Variants in HYDIN observed in about 807,000 individuals in gnomAD.
HYDIN encodes axonemal central pair apparatus protein HYDIN.
A neutral mutation model predicts 403.9 loss-of-function variants in HYDIN; 132 were observed. The ratio of observed to expected loss-of-function variants is 0.33; its 90% confidence interval spans 0.28 to 0.38. HYDIN has a LOEUF of 0.38. HYDIN is among the 10% of genes least tolerant of loss of function. HYDIN has a pLI of 1.00. For missense variants in HYDIN, 2,827 were observed against 5,009.5 expected, an observed-to-expected ratio of 0.56 and a Z score of 13.15; for synonymous variants, 1,202 against 1,891.7, an observed-to-expected ratio of 0.64 and a Z score of 9.46.
intron 62 of HYDIN, among the ~76,000 whole-genome samples, chr16:70,879,029 C>T (rs548419189): frequency 6.6e-6 from 1 of 150,724 alleles, no homozygotes; most frequent in East Asian, 1.9e-4. Flanking sequence ...TTAAGAACAC[C>T]CATAATCCTA....
chr16:71,163,490 A>T (rs548017901), intron 5 of HYDIN, among the ~76,000 whole-genome samples: 5 of 152,240 alleles, frequency 3.3e-5, no homozygotes, highest in Middle Eastern at 3.4e-3. Flanking sequence ...CTCCTCCATC[A>T]AGTAATGAGT....
At chr16:71,092,163 A>C (rs530956290) in intron 11 of HYDIN, among the ~76,000 whole-genome samples, 1 of 152,044 alleles carries the variant, frequency 6.6e-6, no homozygotes, top group East Asian at 1.9e-4. Flanking sequence ...CCTGGCATTC[A>C]GGTTTGCCGT....
At chr16:71,137,713 C>T (rs976016954) in intron 7 of HYDIN, among the ~76,000 whole-genome samples, 1 of 152,086 alleles carries the variant, frequency 6.6e-6, no homozygotes, top group Non-Finnish European at 1.5e-5. Context: ...TTAGCTCATG[C>T]ATGAGCTTGA....
At chr16:71,218,694 A>AT (rs2089024564) in intron 1 of HYDIN, among the ~76,000 whole-genome samples, 1 of 152,110 alleles carries the variant, frequency 6.6e-6, no homozygotes, top group South Asian at 2.1e-4. Context: ...ACAACCCACC[A>AT]TTTTTTACAG....
At chr16:71,111,733 T>G (rs2083839770) in intron 10 of HYDIN, among the ~76,000 whole-genome samples, 2 of 151,674 alleles carry the variant, frequency 1.3e-5, no homozygotes, top group Non-Finnish European at 2.9e-5. Context: ...TCTCTAGGCA[T>G]AGACTTGAAT....
intron 78 of HYDIN, among the ~76,000 whole-genome samples, chr16:70,834,379 G>A (rs1041284760): frequency 7.2e-5 from 11 of 151,864 alleles, no homozygotes; most frequent in African/African-American, 2.4e-4. Flanking sequence ...GCACATAATA[G>A]ATATTTAATA....
At chr16:71,166,269 G>C in intron 5 of HYDIN, among the ~76,000 whole-genome samples, 1 of 151,648 alleles carries the variant, frequency 6.6e-6, no homozygotes, top group East Asian at 1.9e-4. Flanking sequence ...CGTTGGTAGT[G>C]AGCCATCTAG....
At chr16:71,228,994 A>G (rs2041162150) in intron 1 of HYDIN, among the ~76,000 whole-genome samples, 1 of 152,120 alleles carries the variant, frequency 6.6e-6, no homozygotes, top group African/African-American at 2.4e-5. Context: ...GGATGAGTTC[A>G]TGTCCTTTGT....
At chr16:71,068,626 A>G in intron 14 of HYDIN, among the ~76,000 whole-genome samples, 1 of 151,852 alleles carries the variant, frequency 6.6e-6, no homozygotes, top group Non-Finnish European at 1.5e-5. Context: ...GCAAAAGAAA[A>G]GAGGGAAGAC....
At chr16:71,130,469 G>A (rs559537211) in intron 8 of HYDIN, among the ~76,000 whole-genome samples, 13 of 129,454 alleles carry the variant, frequency 1.0e-4, no homozygotes, top group African/African-American at 3.0e-4. Context: ...CATATATACC[G>A]GTTTTTTTTT....
chr16:71,185,061 A>G (rs1224856634), intron 2 of HYDIN, 71 bp from the exon 3 acceptor site: 10 of 1,064,100 alleles, frequency 9.4e-6, no homozygotes, highest in Non-Finnish European at 1.3e-5. Context: ...CATAAGTACC[A>G]GTAATGAATA....
chr16:70,928,329 G>A (rs1477239021), intron 45 of HYDIN, among the ~76,000 whole-genome samples: 2 of 152,164 alleles, frequency 1.3e-5, no homozygotes, highest in Non-Finnish European at 2.9e-5. Flanking sequence ...GGTGGTGCAC[G>A]CCTGCAGTCC....
chr16:70,973,109 C>T (rs571245761), intron 35 of HYDIN, among the ~76,000 whole-genome samples: 2 of 152,346 alleles, frequency 1.3e-5, no homozygotes, highest in Non-Finnish European at 2.9e-5. Context: ...TGTGCAGAGG[C>T]AGAAGGCTAC....
chr16:71,079,176 A>C (rs1325087654), intron 13 of HYDIN, among the ~76,000 whole-genome samples: 1 of 152,120 alleles, frequency 6.6e-6, no homozygotes, highest in Admixed American at 6.6e-5. Context: ...TGATGGAGTT[A>C]CAGAATTGAA....
At chr16:70,899,762 T>C (rs1423675385) in intron 53 of HYDIN, among the ~76,000 whole-genome samples, 2 of 152,248 alleles carry the variant, frequency 1.3e-5, no homozygotes, top group Non-Finnish European at 2.9e-5. Context: ...GTAAGAGGGA[T>C]TCTCTCAAAG....
At chr16:70,990,745 G>A (rs2079323378) in intron 25 of HYDIN, among the ~76,000 whole-genome samples, 1 of 152,200 alleles carries the variant, frequency 6.6e-6, no homozygotes. Context: ...GTGCAGAGGT[G>A]TATCTGGAGG....
intron 1 of HYDIN, among the ~76,000 whole-genome samples, chr16:71,195,419 T>C (rs757978905): frequency 1.1e-4 from 16 of 152,168 alleles, no homozygotes; most frequent in Non-Finnish European, 1.9e-4. Flanking sequence ...TGTTGATAAA[T>C]ATTATTTTTA....
At chr16:70,974,362 T>C (rs1173653765) in intron 32 of HYDIN, 62 bp from the exon 33 acceptor site, 12 of 1,490,166 alleles carry the variant, frequency 8.1e-6, no homozygotes, top group Non-Finnish European at 9.9e-6. Context: ...AGAGCTGCTC[T>C]AGAGAAAGCC....
At position 70,883,956 on chromosome 16, in the gene HYDIN, T is replaced by A. The variant is rs753252096; in HGVS notation, c.9943A>T (p.Ile3315Phe). The A allele has an allele frequency of 4.3e-6, 7 of 1,613,998 alleles. No individual in the cohort carries two copies. In the South Asian group the frequency reaches 7.7e-5, roughly 18 times the overall value. ...GRDPAVHPAG[I>F]LYTLLAEACL... ...GCTTCAGCTAGCAAAGTGTAAAGAATGCCGGCAGGGTGGACTGCAGGGTCT... is the reference window on the plus strand; with the variant it reads ...GCTTCAGCTAGCAAAGTGTAAAGAAAGCCGGCAGGGTGGACTGCAGGGTCT... Residue 3315 changes from isoleucine to phenylalanine, a missense_variant, in exon 59 of 86, where the codon ATT (isoleucine) becomes TTT (phenylalanine). Coordinates refer to ENST00000393567, the MANE Select transcript of HYDIN (RefSeq NM_001270974.2).
Sources: allele counts gnomAD v4.1 joint callset (sites outside exome capture counted in the v4.1 genomes callset), GRCh38; gene constraint gnomAD v4.1.1; transcripts MANE v1.5; gene names NCBI Gene and HGNC (gene_info 2026-07-23, HGNC 2026-07-21).